The following GRM8 variants were observed in gnomAD, a reference collection of about 807,000 sequenced individuals.
GRM8 encodes metabotropic glutamate receptor 8.
GRM8 carries 47 observed loss-of-function variants against 87.2 expected under a neutral mutation model. That is an observed-to-expected ratio of 0.54 (90% CI 0.43 to 0.69). GRM8 has a LOEUF of 0.69. Ranked by LOEUF, GRM8 falls within the 30% of genes least tolerant of loss-of-function variation. GRM8 has a pLI of 0.00. For missense variants in GRM8, 1,019 were observed against 1,139.2 expected (o/e 0.89, Z 1.52); for synonymous variants, 396 against 404.5 (o/e 0.98, Z 0.25).
chr7:126,581,981 G>A (rs1265683536), intron 8 of GRM8, among the ~76,000 whole-genome samples: 2 of 151,990 alleles, frequency 1.3e-5, no homozygotes, highest in South Asian at 4.1e-4. Flanking sequence ...CAGTAATATT[G>A]AAATTAGGCC....
intron 9 of GRM8, among the ~76,000 whole-genome samples, chr7:126,465,951 T>C (rs1265162695): frequency 6.6e-6 from 1 of 152,000 alleles, no homozygotes; most frequent in Non-Finnish European, 1.5e-5. Context: ...CTGCATTTTA[T>C]AAAGCACTTA....
chr7:126,962,530 T>C (rs1809424683), intron 3 of GRM8, among the ~76,000 whole-genome samples: 1 of 152,240 alleles, frequency 6.6e-6, no homozygotes, highest in Non-Finnish European at 1.5e-5. Context: ...TGATTTGTAT[T>C]ACTGTGAGTA....
intron 9 of GRM8, among the ~76,000 whole-genome samples, chr7:126,449,090 G>C (rs1252805948): frequency 6.6e-6 from 1 of 151,746 alleles, no homozygotes; most frequent in Admixed American, 6.6e-5. Flanking sequence ...ACCTTACAGT[G>C]GCCTAGCATT....
chr7:126,789,784 T>A (rs1395459671), intron 6 of GRM8, among the ~76,000 whole-genome samples: 2 of 152,186 alleles, frequency 1.3e-5, no homozygotes, highest in Non-Finnish European at 2.9e-5. Flanking sequence ...ACTCCATCCA[T>A]TTATGTTTTC....
In GRM8 at chr7:127,185,110, G is replaced by T. The variant is rs1342222960; in HGVS notation, c.510+57585C>A. Among the ~76,000 whole-genome samples, 4 of 152,036 alleles carry T rather than the reference G, an allele frequency of 2.6e-5. No individual in the cohort carries two copies. The South Asian group carries it at 6.2e-4, about 24-fold the overall frequency. ...CAGCAAGCTATTTTATAAATTACCT[G>T]ATTCTAAAGTTTATCCATTTAAGTT... On this transcript the variant is annotated intron_variant, in intron 2 of 10. Transcript: ENST00000339582.
chr7:126,692,215 G>T (rs182535963), intron 7 of GRM8, among the ~76,000 whole-genome samples: 54 of 152,340 alleles, frequency 3.5e-4, no homozygotes, highest in African/African-American at 1.2e-3. Flanking sequence ...CCAACAGTTA[G>T]TTCTATGTGT....
At chr7:127,102,642 T>C (rs1004635545) in intron 3 of GRM8, among the ~76,000 whole-genome samples, 36 of 152,226 alleles carry the variant, frequency 2.4e-4, no homozygotes, top group African/African-American at 8.7e-4. Context: ...AGCCTGCAAG[T>C]GCACAGAGTG....
intron 3 of GRM8, among the ~76,000 whole-genome samples, chr7:127,078,916 G>A (rs374923283): frequency 7.2e-5 from 11 of 152,268 alleles, no homozygotes; most frequent in African/African-American, 2.6e-4. Context: ...ATCGGTTGGT[G>A]AGAAAGAAAA....
At chr7:127,140,235 T>G (rs1392726642) in intron 2 of GRM8, among the ~76,000 whole-genome samples, 3 of 152,132 alleles carry the variant, frequency 2.0e-5, no homozygotes, top group Non-Finnish European at 4.4e-5. Flanking sequence ...AGGGCCATCC[T>G]GTGCATTTTA....
intron 3 of GRM8, among the ~76,000 whole-genome samples, chr7:127,017,982 T>C (rs1258545105): frequency 6.6e-6 from 1 of 152,038 alleles, no homozygotes; most frequent in Non-Finnish European, 1.5e-5. Context: ...AGAATCCACT[T>C]TATCCTAGGC....
chr7:127,042,561 T>C (rs940789161), intron 3 of GRM8, among the ~76,000 whole-genome samples: 1 of 152,252 alleles, frequency 6.6e-6, no homozygotes, highest in African/African-American at 2.4e-5. Flanking sequence ...GCTAGCCATA[T>C]GTAGAAAGCT....
intron 6 of GRM8, among the ~76,000 whole-genome samples, chr7:126,825,336 G>A (rs912106749): frequency 6.6e-6 from 1 of 152,080 alleles, no homozygotes; most frequent in Non-Finnish European, 1.5e-5. Context: ...AAAGTGCTGG[G>A]ATTACAGGCA....
chr7:126,956,489 CTTTT>C (rs371403046), intron 3 of GRM8, among the ~76,000 whole-genome samples: 2 of 152,002 alleles, frequency 1.3e-5, no homozygotes, highest in Non-Finnish European at 2.9e-5. Context: ...TCAACATTCC[CTTTT>C]TTTTATTATA....
At chr7:126,926,569 T>G (rs1383676884) in intron 3 of GRM8, among the ~76,000 whole-genome samples, 1 of 152,236 alleles carries the variant, frequency 6.6e-6, no homozygotes, top group Non-Finnish European at 1.5e-5. Context: ...AATTTCAATC[T>G]GATGGTGAAC....
intron 9 of GRM8, among the ~76,000 whole-genome samples, chr7:126,506,750 G>C (rs1810534192): frequency 1.3e-5 from 2 of 151,750 alleles, no homozygotes; most frequent in African/African-American, 4.8e-5. Context: ...GTGCACTCTA[G>C]CCTGGGCAAC....
chr7:126,693,842 A>G (rs1276604490), intron 7 of GRM8, among the ~76,000 whole-genome samples: 1 of 152,092 alleles, frequency 6.6e-6, no homozygotes, highest in Non-Finnish European at 1.5e-5. Context: ...TTCTATTTCA[A>G]AAGATGAAAA....
intron 7 of GRM8, among the ~76,000 whole-genome samples, chr7:126,728,839 C>T (rs1196486192): frequency 6.6e-6 from 1 of 152,146 alleles, no homozygotes; most frequent in African/African-American, 2.4e-5. Context: ...TGCCCTTATT[C>T]CCTGTTCTGC....
At chr7:127,025,612 C>T (rs1378145223) in intron 3 of GRM8, among the ~76,000 whole-genome samples, 1 of 152,022 alleles carries the variant, frequency 6.6e-6, no homozygotes, top group South Asian at 2.1e-4. Context: ...CAGGAACAAA[C>T]ATTTCTTGGA....
At chr7:127,193,737 A>G (rs2116502751) in intron 2 of GRM8, among the ~76,000 whole-genome samples, 1 of 152,350 alleles carries the variant, frequency 6.6e-6, no homozygotes, top group African/African-American at 2.4e-5. Context: ...ATGGAAAAAA[A>G]TACTCTCACA....
Sources: gnomAD v4.1 joint callset for allele counts (sites outside exome capture counted in the v4.1 genomes callset) on GRCh38, gnomAD v4.1.1 for gene constraint, MANE v1.5 for transcripts, NCBI Gene and HGNC (gene_info 2026-07-23, HGNC 2026-07-21) for gene names.